GALNT17: variants seen among roughly 807,000 people sequenced by gnomAD.
GALNT17 encodes polypeptide N-acetylgalactosaminyltransferase 17.
GALNT17 carries 29 observed loss-of-function variants against 63.7 expected under a neutral mutation model. That is an observed-to-expected ratio of 0.46 (90% CI 0.34 to 0.62). GALNT17 has a LOEUF of 0.62. Ranked by LOEUF, GALNT17 falls within the 20% of genes least tolerant of loss-of-function variation. The pLI, the probability that GALNT17 is intolerant of heterozygous loss-of-function variation, is 0.01. For synonymous variants in GALNT17, 305 were observed against 318.3 expected (o/e 0.96, Z 0.45); for missense variants, 603 against 799.6 (o/e 0.75, Z 2.97).
chr7:71,634,023 G>T (rs1231361557), intron 6 of GALNT17, among the ~76,000 whole-genome samples: 1 of 152,190 alleles, frequency 6.6e-6, no homozygotes. Flanking sequence ...CTACAATACT[G>T]TGGTCTTTCT....
At chr7:71,297,067 A>G (rs563021719) in intron 1 of GALNT17, among the ~76,000 whole-genome samples, 1 of 152,348 alleles carries the variant, frequency 6.6e-6, no homozygotes, top group African/African-American at 2.4e-5. Context: ...GCCTTTTCTT[A>G]AGCACACCTC....
chr7:71,146,138 G>A lies in GALNT17; in HGVS notation c.238+13098G>A, dbSNP rs956011823. The stretch of plus-strand genomic sequence containing the variant: ...GCGGTGGAGACGGGTGGATGGAGTG[G>A]CCTGACTCCAGATTCAGTCTCCTCT... On this transcript the variant is annotated intron_variant, in intron 1 of 10. Transcript: ENST00000333538. Among the ~76,000 whole-genome samples, 9 of 152,102 alleles carry A rather than the reference G, an allele frequency of 5.9e-5. No homozygotes were observed. In the East Asian group the frequency reaches 1.4e-3, roughly 23 times the overall value.
chr7:71,598,999 G>C (rs918066663), intron 6 of GALNT17, among the ~76,000 whole-genome samples: 1 of 152,058 alleles, frequency 6.6e-6, no homozygotes, highest in Non-Finnish European at 1.5e-5. Flanking sequence ...GGACTCATAG[G>C]GGCCTCAAGG....
intron 1 of GALNT17, among the ~76,000 whole-genome samples, chr7:71,149,762 C>G (rs1788097310): frequency 1.3e-5 from 2 of 152,188 alleles, no homozygotes; most frequent in Admixed American, 6.5e-5. Flanking sequence ...TTGTCAATTT[C>G]TTCTTCATTT....
intron 5 of GALNT17, among the ~76,000 whole-genome samples, chr7:71,520,460 T>A (rs1584021760): frequency 6.6e-6 from 1 of 150,924 alleles, no homozygotes; most frequent in South Asian, 2.1e-4. Context: ...GAGGCGGAGG[T>A]TGTAGTGAGC....
intron 1 of GALNT17, among the ~76,000 whole-genome samples, chr7:71,136,829 C>G (rs138817328): frequency 0.025 from 3,789 of 150,950 alleles, 76 homozygotes; most frequent in Middle Eastern, 0.049. Context: ...CTCTGTCACT[C>G]AGGCTGGAGT....
At chr7:71,445,167 T>C (rs1042868617) in intron 5 of GALNT17, among the ~76,000 whole-genome samples, 1 of 149,718 alleles carries the variant, frequency 6.7e-6, no homozygotes, top group African/African-American at 2.5e-5. Flanking sequence ...CCACCTTTTT[T>C]TTTCTTTCTT....
intron 4 of GALNT17, among the ~76,000 whole-genome samples, chr7:71,419,564 A>G (rs1299405015): frequency 6.6e-6 from 1 of 152,204 alleles, no homozygotes; most frequent in African/African-American, 2.4e-5. Context: ...GGGGAAAATG[A>G]TCTAAGAGTT....
intron 6 of GALNT17, among the ~76,000 whole-genome samples, chr7:71,627,333 T>C (rs1349275824): frequency 6.6e-6 from 1 of 152,200 alleles, no homozygotes; most frequent in African/African-American, 2.4e-5. Flanking sequence ...AGGGGAGGAT[T>C]GCTTGAGCCC....
intron 5 of GALNT17, among the ~76,000 whole-genome samples, chr7:71,559,965 G>A (rs1012285818): frequency 2.0e-5 from 3 of 151,622 alleles, no homozygotes; most frequent in Non-Finnish European, 4.4e-5. Context: ...AGAGGCTGCA[G>A]CGGGCAAATC....
chr7:71,665,389 G>A (rs1185226466), intron 6 of GALNT17, 22 bp from the exon 7 acceptor site: 6 of 1,582,806 alleles, frequency 3.8e-6, no homozygotes, highest in Non-Finnish European at 5.1e-6. Context: ...TTTTCAGGCT[G>A]ATGAAATCTT....
chr7:71,587,538 T>C (rs12536756), intron 6 of GALNT17, among the ~76,000 whole-genome samples: 55,979 of 152,002 alleles, frequency 0.37, 12,485 homozygotes, highest in Non-Finnish European at 0.48. Flanking sequence ...ATATGTACTA[T>C]GTGAATATTT....
intron 6 of GALNT17, among the ~76,000 whole-genome samples, chr7:71,625,213 C>A (rs1009967946): frequency 6.6e-6 from 1 of 152,000 alleles, no homozygotes; most frequent in Non-Finnish European, 1.5e-5. Flanking sequence ...AGCACGATCT[C>A]GGCTCACTGC....
chr7:71,141,791 C>A (rs897086057), intron 1 of GALNT17, among the ~76,000 whole-genome samples: 1 of 151,256 alleles, frequency 6.6e-6, no homozygotes, highest in Admixed American at 6.6e-5. Flanking sequence ...ATCCTCCTGC[C>A]TCAGCCTGCT....
chr7:71,572,917 C>T (rs1789472410), intron 6 of GALNT17, among the ~76,000 whole-genome samples: 2 of 152,130 alleles, frequency 1.3e-5, no homozygotes, highest in South Asian at 4.1e-4. Flanking sequence ...GCAGCACAGT[C>T]CTGTCCACCA....
At chr7:71,445,481 G>A (rs777183393) in intron 5 of GALNT17, among the ~76,000 whole-genome samples, 7 of 151,774 alleles carry the variant, frequency 4.6e-5, no homozygotes, top group Non-Finnish European at 8.8e-5. Context: ...ACACGTGTGA[G>A]CCACTGCGCC....
chr7:71,207,353 A>ATTT (rs1789291745), intron 1 of GALNT17, among the ~76,000 whole-genome samples: 1 of 151,944 alleles, frequency 6.6e-6, no homozygotes, highest in Non-Finnish European at 1.5e-5. Context: ...TTTGGATGTT[A>ATTT]TTTATTATTA....
intron 1 of GALNT17, among the ~76,000 whole-genome samples, chr7:71,135,632 G>A (rs1042685778): frequency 1.3e-5 from 2 of 152,190 alleles, no homozygotes; most frequent in Non-Finnish European, 2.9e-5. Flanking sequence ...TGGGCCTCCC[G>A]CCCAGGTCTC....
intron 1 of GALNT17, among the ~76,000 whole-genome samples, chr7:71,295,749 C>A (rs1320651654): frequency 6.6e-6 from 1 of 152,036 alleles, no homozygotes; most frequent in African/African-American, 2.4e-5. Context: ...CAGGTGCACA[C>A]CATCATGCCT....
Sources: gnomAD v4.1 joint callset for allele counts (sites outside exome capture counted in the v4.1 genomes callset) on GRCh38, gnomAD v4.1.1 for gene constraint, MANE v1.5 for transcripts, NCBI Gene and HGNC (gene_info 2026-07-23, HGNC 2026-07-21) for gene names.